The following KDM3B variants were observed in gnomAD, a reference collection of about 807,000 sequenced individuals.
The protein encoded by KDM3B is lysine-specific demethylase 3B.
Under a neutral mutation model 170.0 loss-of-function variants are expected in KDM3B, and 10 were observed. The observed-to-expected ratio is 0.06, with a 90% CI of 0.04 to 0.10. The LOEUF is 0.10. Ranked by LOEUF, KDM3B falls within the 10% of genes least tolerant of loss-of-function variation. KDM3B has a pLI of 1.00. For missense variants in KDM3B, 1,394 were observed against 2,195.2 expected (o/e 0.64, Z 7.29); for synonymous variants, 831 against 834.8 (o/e 1.00, Z 0.08).
At chr5:138,422,355 G>A (rs942080030) in intron 15 of KDM3B, among the ~76,000 whole-genome samples, 1 of 152,168 alleles carries the variant, frequency 6.6e-6, no homozygotes, top group Non-Finnish European at 1.5e-5. Context: ...ATAGAAAAGA[G>A]GCTGGGCACA....
At chr5:138,427,151 C>G in intron 18 of KDM3B, 38 bp from the exon 19 acceptor site, 1 of 1,607,554 alleles carries the variant, frequency 6.2e-7, no homozygotes, top group South Asian at 1.1e-5. Context: ...CTTTCTTCCC[C>G]TATAACAAGC....
At chr5:138,401,180 A>G (rs1334001170) in intron 11 of KDM3B, among the ~76,000 whole-genome samples, 1 of 151,562 alleles carries the variant, frequency 6.6e-6, no homozygotes, top group Non-Finnish European at 1.5e-5. Context: ...CTGAGGCAGG[A>G]GAATCGCTTG....
chr5:138,356,924 G>A (rs567136075), intron 1 of KDM3B, among the ~76,000 whole-genome samples: 29 of 151,828 alleles, frequency 1.9e-4, no homozygotes, highest in South Asian at 1.9e-3. Context: ...GATTACAGGC[G>A]TGAGCCACCG....
Position 138,420,897 on chromosome 5 carries a change from A to G in KDM3B, c.3907A>G (p.Lys1303Glu), listed in dbSNP as rs1327468271. ...AGACCTCCTTCACTCCGGGCCGGGA[A>G]AACTTCCTCAAACCCCCTTGGACAC... Reference protein sequence around the residue: ...LRDLLHSGPGKLPQTPLDTGI... With the variant: ...LRDLLHSGPGELPQTPLDTGI... The change falls in exon 15 of 24, where the codon AAA becomes GAA. Residue 1303 changes from lysine (K) to glutamate (E), a missense_variant. By Grantham distance (56) the Lys-to-Glu change is moderately conservative (BLOSUM62 1). Transcript: ENST00000314358. The G allele has an allele frequency of 6.2e-7, 1 of 1,614,084 alleles. No homozygotes were observed. The highest frequency in any genetic ancestry group is 1.3e-5 in the African/African-American group (1 of 75,024).
chr5:138,356,013 C>G (rs573454449), intron 1 of KDM3B, among the ~76,000 whole-genome samples: 1 of 151,808 alleles, frequency 6.6e-6, no homozygotes, highest in African/African-American at 2.4e-5. Flanking sequence ...TTTTTTCTTT[C>G]ATTTGACAGT....
Position 138,429,818 on chromosome 5 carries a change from C to G in KDM3B, c.4754-8C>G, listed in dbSNP as rs762044447. ...ACTACATTGAAAGTGTCATTTTGCT[C>G]TTTTCAGAGGTACTCAAGACAATTG... On this transcript the variant is annotated splice_region_variant and splice_polypyrimidine_tract_variant and intron_variant, in intron 20 of 23. Transcript: ENST00000314358. The G allele has an allele frequency of 5.9e-5, 95 of 1,613,252 alleles. No homozygotes were observed. Among genetic ancestry groups the G allele is most frequent in the Non-Finnish European group, 8.1e-5 (95 of 1,179,592 alleles).
intron 14 of KDM3B, 44 bp downstream of exon 14, chr5:138,419,276 TGA>T (rs1412047453): frequency 6.4e-7 from 1 of 1,572,104 alleles, no homozygotes; most frequent in Admixed American, 1.9e-5. Context: ...GTAGAAATCA[TGA>T]GTTTTTTCCA....
chr5:138,386,042 A>T lies in KDM3B; in HGVS notation c.801A>T (p.Val267=), dbSNP rs2126941675. 2 of 1,606,706 alleles carry T rather than the reference A, an allele frequency of 1.2e-6. No homozygotes were observed. The highest frequency in any genetic ancestry group is 4.5e-5 in the East Asian group (2 of 44,814). The part of the protein sequence containing the change: ...PQSEGGTLKA[V]KSSKGKKKRE... The stretch of plus-strand genomic sequence containing the variant: ...TGTAGGGGGGTACGTTAAAAGCAGT[A>T]AAATCTTCCAAAGGAAAGAAGAAGA... Residue 267 remains valine (V), a synonymous_variant, in exon 7 of 24, where the codon GTA becomes GTT. Coordinates refer to ENST00000314358, the MANE Select transcript of KDM3B (RefSeq NM_016604.4).
chr5:138,407,450 T>A (rs1762852460), intron 11 of KDM3B, among the ~76,000 whole-genome samples: 1 of 152,098 alleles, frequency 6.6e-6, no homozygotes, highest in Non-Finnish European at 1.5e-5. Context: ...AGAGAGCTGA[T>A]TTCCTTTCTT....
chr5:138,426,080 C>CT (rs1763384221), intron 17 of KDM3B, among the ~76,000 whole-genome samples: 1 of 152,156 alleles, frequency 6.6e-6, no homozygotes, highest in Admixed American at 6.6e-5. Context: ...AACTGTGTAG[C>CT]TTACATGGCA....
chr5:138,395,317 C>T (rs2126955783), intron 9 of KDM3B, among the ~76,000 whole-genome samples: 1 of 152,238 alleles, frequency 6.6e-6, no homozygotes, highest in East Asian at 1.9e-4. Flanking sequence ...CTCTGGTACT[C>T]TCCAATGTTT....
Position 138,389,782 on chromosome 5 carries a change from C to CTGTGTGTGTG in KDM3B, c.1381-1209_1381-1200dup, listed in dbSNP as rs148405512. Among the ~76,000 whole-genome samples, 550 of 143,550 alleles carry CTGTGTGTGTG rather than the reference C, an allele frequency of 3.8e-3. 8 individuals carry two copies. Among genetic ancestry groups the CTGTGTGTGTG allele is most frequent in the Middle Eastern group, 0.021 (6 of 282 alleles). 94.2% of individuals were successfully genotyped at this position (143,550 alleles called of 152,430 possible). A position where few individuals can be genotyped will look rare whatever the true frequency, so the allele number is the denominator to read the frequency against. ...GTCTCTTCTCTCTCTCTCTCTCTCTCTGTGTGTGTGTGTGTGTGTGTGTGT... is the reference window on the plus strand; with the variant it reads ...GTCTCTTCTCTCTCTCTCTCTCTCTCTGTGTGTGTGTGTGTGTGTGTGTGTGTGTGTGTGT... On this transcript the variant is annotated intron_variant, in intron 7 of 23. Transcript: ENST00000314358.
At chr5:138,427,384 A>G (rs1763424506) in intron 19 of KDM3B, 65 bp downstream of exon 19, 2 of 1,547,040 alleles carry the variant, frequency 1.3e-6, no homozygotes, top group African/African-American at 2.7e-5. Flanking sequence ...CTATAGAAGG[A>G]TATCTGTGGT....
In KDM3B at chr5:138,429,857, C is replaced by T. The variant is rs202072153; in HGVS notation, c.4785C>T (p.Ala1595=). ...TCAAGACAATTGACGAGGGAGATGC[C>T]GATGAGGTGACGAAGCAGAGGATTC... ...EVLKTIDEGD[A]DEVTKQRIHD... is the part of the protein sequence containing the mutation. The change falls in exon 21 of 24, where the codon GCC becomes GCT. Residue 1595 remains alanine, a synonymous_variant. Coordinates refer to ENST00000314358, the MANE Select transcript of KDM3B (RefSeq NM_016604.4). 17 of 1,613,914 alleles carry T rather than the reference C, an allele frequency of 1.1e-5. No individual in the cohort carries two copies. The highest frequency in any genetic ancestry group is 1.3e-5 in the African/African-American group (1 of 74,894).
intron 11 of KDM3B, among the ~76,000 whole-genome samples, chr5:138,414,563 A>C (rs1167478381): frequency 1.3e-5 from 2 of 152,220 alleles, no homozygotes; most frequent in African/African-American, 4.8e-5. Context: ...TTGGAGATGT[A>C]ATAGAAAGGT....
intron 3 of KDM3B, 151 bp from the exon 4 acceptor site, chr5:138,377,569 T>C (rs1326564793): frequency 7.4e-6 from 4 of 541,928 alleles, no homozygotes; most frequent in Non-Finnish European, 9.8e-6. Context: ...ATTACAGGCA[T>C]GATCACCACG....
At chr5:138,421,439 C>T (rs1484166675) in intron 15 of KDM3B, among the ~76,000 whole-genome samples, 1 of 152,180 alleles carries the variant, frequency 6.6e-6, no homozygotes, top group Non-Finnish European at 1.5e-5. Flanking sequence ...TTGGGACTCG[C>T]CTGTCTTACC....
At chr5:138,423,866 C>T (rs1234479645) in intron 15 of KDM3B, among the ~76,000 whole-genome samples, 1 of 152,078 alleles carries the variant, frequency 6.6e-6, no homozygotes, top group Non-Finnish European at 1.5e-5. Context: ...CTTTTCTTTC[C>T]TAAATGTTAA....
chr5:138,393,463 A>C, intron 9 of KDM3B, 91 bp downstream of exon 9: 9 of 1,116,022 alleles, frequency 8.1e-6, no homozygotes, highest in Non-Finnish European at 1.2e-5. Flanking sequence ...ATGTTTCATC[A>C]TCTTGGTCTT....
Sources: gnomAD v4.1 joint callset for allele counts (sites outside exome capture counted in the v4.1 genomes callset) on GRCh38, gnomAD v4.1.1 for gene constraint, MANE v1.5 for transcripts, NCBI Gene and HGNC (gene_info 2026-07-23, HGNC 2026-07-21) for gene names.